GAREM1: variants seen among roughly 807,000 people sequenced by gnomAD.
The protein encoded by GAREM1 is GRB2 associated regulator of MAPK1 subtype 1, also known as GRB2-associated and regulator of MAPK protein 1.
In GAREM1, 26 loss-of-function variants were observed where a neutral mutation model predicts 71.3. The ratio of observed to expected loss-of-function variants is 0.36; its 90% CI spans 0.27 to 0.51. The LOEUF (loss-of-function observed/expected upper bound fraction) is 0.51. GAREM1 is among the 20% of genes least tolerant of loss of function. The pLI is 0.95. For missense variants in GAREM1, 1,026 were observed against 1,103.1 expected (o/e 0.93, Z 0.99); for synonymous variants, 440 against 433.2 (o/e 1.02, Z -0.20).
intron 1 of GAREM1, among the ~76,000 whole-genome samples, chr18:32,410,842 A>T (rs1448951790): frequency 6.6e-6 from 1 of 152,020 alleles, no homozygotes; most frequent in East Asian, 1.9e-4. Flanking sequence ...TCACTCCATC[A>T]CCTAGGCTGG....
At chr18:32,389,359 T>C (rs1324220337) in intron 2 of GAREM1, among the ~76,000 whole-genome samples, 5 of 152,310 alleles carry the variant, frequency 3.3e-5, no homozygotes, top group African/African-American at 1.2e-4. Flanking sequence ...TATGGAGGCT[T>C]ACTTAGTGGT....
intron 2 of GAREM1, among the ~76,000 whole-genome samples, chr18:32,327,812 T>C (rs1413948194): frequency 6.6e-6 from 1 of 152,162 alleles, no homozygotes; most frequent in African/African-American, 2.4e-5. Flanking sequence ...GAATCTCAGC[T>C]TTGGCCTTGA....
At chr18:32,338,619 T>C (rs906629281) in intron 2 of GAREM1, among the ~76,000 whole-genome samples, 5 of 152,192 alleles carry the variant, frequency 3.3e-5, no homozygotes, top group Admixed American at 1.3e-4. Flanking sequence ...CTTTGGTTCT[T>C]TAAGGTCTTG....
At chr18:32,418,000 C>T (rs1047424234) in intron 1 of GAREM1, among the ~76,000 whole-genome samples, 2 of 152,076 alleles carry the variant, frequency 1.3e-5, no homozygotes, top group African/African-American at 4.8e-5. Flanking sequence ...TATACACCTA[C>T]TATGTACGCA....
intron 3 of GAREM1, among the ~76,000 whole-genome samples, chr18:32,300,128 T>C (rs2144498231): frequency 6.6e-6 from 1 of 152,288 alleles, no homozygotes; most frequent in Middle Eastern, 3.4e-3. Flanking sequence ...TTGGACAGAA[T>C]TTGGTTAACA....
rs533507623 is a variant in GAREM1, at chr18:32,447,877, T to C, written c.121+22431A>G. Among the ~76,000 whole-genome samples, 19 of 152,280 alleles carry C rather than the reference T, an allele frequency of 1.2e-4. No homozygotes were observed. In the South Asian group the frequency reaches 3.7e-3, roughly 30 times the overall value. ...CCAAGAAACTACATAATTTAGAAGT[T>C]ATGTTGTTGAAATTCTTTGTTATTA... On this transcript the variant is annotated intron_variant, in intron 1 of 5. Coordinates refer to ENST00000269209, the MANE Select transcript of GAREM1 (RefSeq NM_001242409.2).
At chr18:32,315,641 C>T (rs1598955303) in intron 2 of GAREM1, among the ~76,000 whole-genome samples, 1 of 151,964 alleles carries the variant, frequency 6.6e-6, no homozygotes, top group East Asian at 1.9e-4. Flanking sequence ...TGCTCAACAG[C>T]TCCATGTGGC....
intron 1 of GAREM1, among the ~76,000 whole-genome samples, chr18:32,400,590 C>T (rs1377135536): frequency 3.9e-5 from 6 of 152,176 alleles, no homozygotes; most frequent in Non-Finnish European, 7.3e-5. Context: ...TCATCACTGG[C>T]CATCAGAGAC....
intron 1 of GAREM1, among the ~76,000 whole-genome samples, chr18:32,403,771 G>A (rs1034338846): frequency 6.6e-6 from 1 of 152,158 alleles, no homozygotes. Flanking sequence ...TTAAACTGCA[G>A]TGATTTTATG....
intron 2 of GAREM1, among the ~76,000 whole-genome samples, chr18:32,320,263 G>A (rs1263605100): frequency 6.6e-6 from 1 of 152,072 alleles, no homozygotes; most frequent in Non-Finnish European, 1.5e-5. Context: ...ATTTTTATAA[G>A]TAATCTATGT....
rs34217832 is a variant in GAREM1 at position 32,287,594 on chromosome 18, C to T, written c.1003G>A (p.Asp335Asn). 784 of 1,614,160 alleles carry T rather than the reference C, an allele frequency of 4.9e-4. 4 individuals are homozygous for T. The African/African-American group carries it at 8.8e-3, about 18-fold the overall frequency. Residue 335 changes from aspartate (D) to asparagine (N), a missense_variant, in exon 4 of 6, where the codon GAC (aspartate) becomes AAC (asparagine). Coordinates refer to ENST00000269209, the MANE Select transcript of GAREM1 (RefSeq NM_001242409.2). This position sits in a 1 kb window ranked among gnomAD's most constrained non-coding sequence, Gnocchi z 5.9. ...HWLGICQEQFDIDEYSRAVRD... is the reference protein window; with the variant it reads ...HWLGICQEQFNIDEYSRAVRD... The stretch of plus-strand genomic sequence containing the variant: ...ACAGCCCGTGAATACTCATCGATGT[C>T]GAACTGTTCTTGGCAGATACCTAGC...
At position 32,412,533 on chromosome 18, in the gene GAREM1, T is replaced by C. The variant is rs374757128; in HGVS notation, c.122-19498A>G. ...ACTGAAGTTTCCTCCATGACCGAAG[T>C]TGTCATTCCCACCGAAACCACCTCC... is the stretch of plus-strand genomic sequence containing the variant. On this transcript the variant is annotated intron_variant, in intron 1 of 5. Coordinates refer to ENST00000269209, the MANE Select transcript of GAREM1 (RefSeq NM_001242409.2). The C allele has an allele frequency of 2.3e-5, 36 of 1,597,250 alleles. No individual in the cohort carries two copies. In the East Asian group the frequency reaches 5.8e-4, roughly 26 times the overall value.
At position 32,289,075 on chromosome 18, in the gene GAREM1, TTTTTG is replaced by T. The variant is rs899420782; in HGVS notation, c.394-877_394-873del. ...GACAAAAGCTACGCATATATTTGTT[TTTTTG>T]TTTTGTTTTGTTTTGTTTTTGAAGA... On this transcript the variant is annotated intron_variant, in intron 3 of 5. Coordinates refer to ENST00000269209, the MANE Select transcript of GAREM1 (RefSeq NM_001242409.2). Among the ~76,000 whole-genome samples, 45 of 152,266 alleles carry T rather than the reference TTTTTG, an allele frequency of 3.0e-4. 1 individual carries two copies. The highest frequency in any genetic ancestry group is 2.1e-3 in the South Asian group (10 of 4,820).
intron 2 of GAREM1, among the ~76,000 whole-genome samples, chr18:32,348,790 C>T (rs1482640993): frequency 6.6e-6 from 1 of 152,068 alleles, no homozygotes; most frequent in African/African-American, 2.4e-5. Flanking sequence ...AATTTGCCAA[C>T]TCAAGTTGAG....
intron 1 of GAREM1, among the ~76,000 whole-genome samples, chr18:32,396,070 C>T (rs908677036): frequency 9.8e-5 from 15 of 152,338 alleles, no homozygotes; most frequent in African/African-American, 3.4e-4. Context: ...AGTGGACCTC[C>T]AGCAAACTCC....
intron 1 of GAREM1, among the ~76,000 whole-genome samples, chr18:32,394,355 T>C (rs917783765): frequency 1.3e-5 from 2 of 152,128 alleles, no homozygotes; most frequent in Non-Finnish European, 2.9e-5. Context: ...TGAGCTGAGA[T>C]TGTGCCACTG....
intron 2 of GAREM1, among the ~76,000 whole-genome samples, chr18:32,333,049 G>A (rs977615956): frequency 6.6e-6 from 1 of 151,872 alleles, no homozygotes; most frequent in Non-Finnish European, 1.5e-5. Context: ...AAGTAGAAAT[G>A]TATTCAGTAG....
intron 1 of GAREM1, among the ~76,000 whole-genome samples, chr18:32,464,250 C>T (rs565728543): frequency 1.3e-5 from 2 of 152,022 alleles, no homozygotes; most frequent in South Asian, 4.2e-4. Context: ...AAGATTGAGC[C>T]ACTGCACTCC....
At chr18:32,438,704 G>A (rs948254852) in intron 1 of GAREM1, among the ~76,000 whole-genome samples, 20 of 152,168 alleles carry the variant, frequency 1.3e-4, no homozygotes, top group South Asian at 2.1e-4. Flanking sequence ...TTACCCAACT[G>A]CTGAATCTCA....
Sources: allele counts gnomAD v4.1 joint callset (sites outside exome capture counted in the v4.1 genomes callset), GRCh38; gene constraint gnomAD v4.1.1; non-coding constraint Gnocchi (gnomAD v3.1); transcripts MANE v1.5; gene names NCBI Gene and HGNC (gene_info 2026-07-23, HGNC 2026-07-21).